KCNH1: variants seen among roughly 807,000 people sequenced by gnomAD.
KCNH1 encodes potassium voltage-gated channel subfamily H member 1.
A neutral mutation model predicts 69.2 loss-of-function variants in KCNH1; 27 were observed. That is an observed-to-expected ratio of 0.39 (90% CI 0.29 to 0.54). KCNH1 has a LOEUF of 0.54. Among genes scored for constraint, KCNH1 ranks in the 20% least tolerant of loss-of-function variants. The probability of loss-of-function intolerance (pLI) is 0.68; values close to 1 mark genes in which losing one functional copy is unlikely to be tolerated. For synonymous variants in KCNH1, 456 were observed against 487.7 expected, an observed-to-expected ratio of 0.93 and a Z score of 0.86; for missense variants, 798 against 1,261.6, an observed-to-expected ratio of 0.63 and a Z score of 5.57.
At chr1:211,131,036 G>C (rs1322534609) in intron 1 of KCNH1, among the ~76,000 whole-genome samples, 1 of 152,046 alleles carries the variant, frequency 6.6e-6, no homozygotes, top group African/African-American at 2.4e-5. Flanking sequence ...ATGAGGAAAG[G>C]GTTTTTGCAT....
intron 6 of KCNH1, among the ~76,000 whole-genome samples, chr1:210,993,310 A>G (rs148801929): frequency 1.3e-5 from 2 of 152,316 alleles, no homozygotes; most frequent in African/African-American, 2.4e-5. Flanking sequence ...ATTCTACCGA[A>G]AAGGAATGAT....
At position 210,773,588 on chromosome 1, in the gene KCNH1, C is replaced by A. The variant is rs528435611; in HGVS notation, c.2112+1760G>T. On this transcript the variant is annotated intron_variant, in intron 10 of 10. Coordinates refer to ENST00000271751, the MANE Select transcript of KCNH1 (RefSeq NM_172362.3). ...TAGAAGACAAAGGGTTGTTTCCTTT[C>A]TCCAGGCTTTGCTCAAACTGCCCCT... Among the ~76,000 whole-genome samples the A allele has an allele frequency of 1.5e-4, 23 of 152,322 alleles. No individual in the cohort carries two copies. In the South Asian group the frequency reaches 4.8e-3, roughly 32 times the overall value.
chr1:210,973,079 G>C (rs899564020), intron 6 of KCNH1, among the ~76,000 whole-genome samples: 2 of 151,830 alleles, frequency 1.3e-5, no homozygotes, highest in African/African-American at 4.8e-5. Context: ...TCATTCTGTA[G>C]CACCCACATG....
chr1:211,116,820 C>T (rs569927841), intron 1 of KCNH1, among the ~76,000 whole-genome samples: 2 of 152,168 alleles, frequency 1.3e-5, no homozygotes, highest in East Asian at 3.8e-4. Flanking sequence ...AGGTCAGTAA[C>T]TCATGGTCTA....
At chr1:211,103,405 GAAGA>G in intron 3 of KCNH1, 87 bp downstream of exon 3, 1 of 782,578 alleles carries the variant, frequency 1.3e-6, no homozygotes, top group South Asian at 1.8e-5. Context: ...TGGTGGGAGA[GAAGA>G]AAAACCAAGA....
intron 10 of KCNH1, among the ~76,000 whole-genome samples, chr1:210,690,584 A>G (rs1347751963): frequency 6.6e-6 from 1 of 152,162 alleles, no homozygotes; most frequent in Admixed American, 6.5e-5. Context: ...CAAACTGCAG[A>G]TGGGCAGATA....
chr1:210,699,634 T>C (rs1324926270), intron 10 of KCNH1, among the ~76,000 whole-genome samples: 1 of 152,204 alleles, frequency 6.6e-6, no homozygotes, highest in African/African-American at 2.4e-5. Context: ...TACCTGTTCC[T>C]GTGTGCCTTC....
chr1:210,973,091 A>G (rs956552000), intron 6 of KCNH1, among the ~76,000 whole-genome samples: 27 of 152,094 alleles, frequency 1.8e-4, no homozygotes, highest in African/African-American at 6.3e-4. Flanking sequence ...ACCCACATGC[A>G]TATGATTCCC....
chr1:210,941,531 C>G (rs1364038943), intron 6 of KCNH1, among the ~76,000 whole-genome samples: 1 of 152,188 alleles, frequency 6.6e-6, no homozygotes, highest in South Asian at 2.1e-4. Context: ...TCTGTGAGAA[C>G]TGGGCAGGGT....
At chr1:210,999,633 A>C (rs1292923835) in intron 6 of KCNH1, among the ~76,000 whole-genome samples, 1 of 152,246 alleles carries the variant, frequency 6.6e-6, no homozygotes, top group African/African-American at 2.4e-5. Flanking sequence ...CAATGTAAAG[A>C]AAAAGAGGGA....
intron 7 of KCNH1, among the ~76,000 whole-genome samples, chr1:210,909,293 G>C (rs1306384921): frequency 6.6e-6 from 1 of 152,190 alleles, no homozygotes; most frequent in Non-Finnish European, 1.5e-5. Context: ...TCTGTTACCA[G>C]CTTTGCATAT....
intron 10 of KCNH1, among the ~76,000 whole-genome samples, chr1:210,767,084 A>G (rs1033140748): frequency 6.6e-6 from 1 of 152,230 alleles, no homozygotes; most frequent in African/African-American, 2.4e-5. Flanking sequence ...AGGAACAATA[A>G]ATAGGAAAAA....
chr1:210,965,248 C>A (rs1390566309), intron 6 of KCNH1, among the ~76,000 whole-genome samples: 1 of 152,040 alleles, frequency 6.6e-6, no homozygotes, highest in Admixed American at 6.6e-5. Context: ...AAGTTCCAGC[C>A]AGAGCAATCA....
chr1:210,684,452 CA>C (rs1681363652), intron 10 of KCNH1, among the ~76,000 whole-genome samples: 2 of 152,218 alleles, frequency 1.3e-5, no homozygotes, highest in Non-Finnish European at 2.9e-5. Context: ...AGCATCTTCC[CA>C]GGGGACTGTC....
intron 7 of KCNH1, among the ~76,000 whole-genome samples, chr1:210,847,434 C>A (rs963984873): frequency 1.2e-4 from 19 of 152,110 alleles, no homozygotes; most frequent in Non-Finnish European, 2.6e-4. Context: ...TTTGTAGGGA[C>A]ATGGATGAAA....
chr1:211,119,824 C>T (rs1691655141), intron 1 of KCNH1, among the ~76,000 whole-genome samples: 1 of 152,176 alleles, frequency 6.6e-6, no homozygotes, highest in Non-Finnish European at 1.5e-5. Context: ...TACAGAAATA[C>T]ATTTTTTATT....
At chr1:210,859,837 G>T in intron 7 of KCNH1, 7 of 1,106,066 alleles carry the variant, frequency 6.3e-6, no homozygotes, top group South Asian at 6.2e-5. Flanking sequence ...CTAATAAAAT[G>T]ATTTGTAACT....
At chr1:210,954,781 T>A (rs1319701811) in intron 6 of KCNH1, among the ~76,000 whole-genome samples, 4 of 152,178 alleles carry the variant, frequency 2.6e-5, no homozygotes, top group Non-Finnish European at 5.9e-5. Context: ...GTTTAAGTTC[T>A]TTGTAGATTC....
intron 7 of KCNH1, among the ~76,000 whole-genome samples, chr1:210,834,683 AT>A (rs1420021920): frequency 1.9e-5 from 2 of 103,626 alleles, no homozygotes; most frequent in Non-Finnish European, 3.9e-5. Context: ...TTAAAGTATA[AT>A]TAAAAAAAAA....
Sources: gnomAD v4.1 joint callset for allele counts (sites outside exome capture counted in the v4.1 genomes callset) on GRCh38, gnomAD v4.1.1 for gene constraint, MANE v1.5 for transcripts, NCBI Gene and HGNC (gene_info 2026-07-23, HGNC 2026-07-21) for gene names.